Variants in TUSC3 observed in about 807,000 individuals in gnomAD.
TUSC3 encodes the protein tumor suppressor candidate 3.
TUSC3 carries 45 observed loss-of-function variants against 44.8 expected under a neutral mutation model. The observed-to-expected ratio is 1.00, with a 90% CI of 0.79 to 1.29. TUSC3 has a LOEUF of 1.29. Among genes scored for constraint, TUSC3 ranks in the 50% most tolerant of loss-of-function variants. The pLI is 0.00. For missense variants in TUSC3, 519 were observed against 437.9 expected (o/e 1.19, Z -1.65); for synonymous variants, 212 against 152.9 (o/e 1.39, Z -2.85).
chr8:15,715,351 CTG>C (rs1269351433), intron 6 of TUSC3, among the ~76,000 whole-genome samples: 1 of 152,098 alleles, frequency 6.6e-6, no homozygotes. Context: ...GGTCTGTGGT[CTG>C]TCTCTCCTTT....
At chr8:15,445,047 G>C (rs895714882) in intron 1 of TUSC3, among the ~76,000 whole-genome samples, 1 of 152,174 alleles carries the variant, frequency 6.6e-6, no homozygotes. Context: ...AAAAAAAGCA[G>C]ATTAATGGAG....
chr8:15,529,380 A>G (rs935518031), intron 2 of TUSC3, among the ~76,000 whole-genome samples: 1 of 152,224 alleles, frequency 6.6e-6, no homozygotes, highest in African/African-American at 2.4e-5. Context: ...AGTTTTTAAT[A>G]TGGAAAATGG....
At position 15,450,160 on chromosome 8, in the gene TUSC3, A is replaced by G. The variant is rs377451997; in HGVS notation, n.91+32855A>G. 5.3e-4 allele frequency among the ~76,000 whole-genome samples: 80 copies of G among 152,262 alleles called. 2 individuals carry two copies. In the South Asian group the frequency reaches 0.015, roughly 29 times the overall value. On this transcript the variant is annotated intron_variant and non_coding_transcript_variant, in intron 1 of 5. Coordinates refer to the TUSC3 transcript ENST00000503191. ...TAAAAAAAGTGTGAGAGGCTTTACT[A>G]CTAACATTATTTGTTTCTGGATACA...
intron 1 of TUSC3, among the ~76,000 whole-genome samples, chr8:15,421,080 G>C (rs1799732660): frequency 6.6e-6 from 1 of 152,104 alleles, no homozygotes; most frequent in Non-Finnish European, 1.5e-5. Flanking sequence ...ATGTAACATA[G>C]TCATGTCCAA....
At position 15,623,175 on chromosome 8, in the gene TUSC3, G is replaced by T. The variant is rs1156613196; in HGVS notation, c.234G>T (p.Lys78Asn). Residue 78 changes from lysine to asparagine, a missense_variant, in exon 2 of 11, where the codon AAG (lysine) becomes AAT (asparagine). Lys to Asn is a moderately conservative substitution (Grantham distance 94, BLOSUM62 0). Transcript: ENST00000503731. Reference protein sequence around the residue: ...MNGDKFRKFIKAPPRNYSMIV... With the variant: ...MNGDKFRKFINAPPRNYSMIV... ...GTGATAAATTCCGAAAATTTATAAA[G>T]GCACCACCTCGAAACTATTCCATGA... The T allele has an allele frequency of 3.1e-6, 5 of 1,613,550 alleles. No individual in the cohort carries two copies. Among genetic ancestry groups the T allele is most frequent in the Non-Finnish European group, 4.2e-6 (5 of 1,179,820 alleles).
intron 9 of TUSC3, among the ~76,000 whole-genome samples, chr8:15,754,338 TA>T (rs1447864200): frequency 6.6e-6 from 1 of 151,748 alleles, no homozygotes; most frequent in African/African-American, 2.4e-5. Context: ...CAGAAATAAA[TA>T]CATTGAAGTA....
At chr8:15,687,219 T>G (rs543840411) in intron 6 of TUSC3, among the ~76,000 whole-genome samples, 1 of 152,344 alleles carries the variant, frequency 6.6e-6, no homozygotes, top group Non-Finnish European at 1.5e-5. Flanking sequence ...TTAACATATT[T>G]GTTAGGTACT....
Position 15,755,175 on chromosome 8 carries a change from G to A in TUSC3, c.1029-2616G>A, listed in dbSNP as rs575943136. 7.5e-4 allele frequency among the ~76,000 whole-genome samples: 114 copies of A among 152,150 alleles called. 1 individual carries two copies. The highest frequency in any genetic ancestry group is 3.2e-4 in the Non-Finnish European group (22 of 67,970). On this transcript the variant is annotated intron_variant, in intron 9 of 10. Transcript: ENST00000503731. ...CCTGATTGGAATACCCAGCCTGCTC[G>A]TTACTAGCTGTGTGACCTTGGGCAA...
chr8:15,524,830 C>A (rs990290105), intron 2 of TUSC3, among the ~76,000 whole-genome samples: 12 of 152,100 alleles, frequency 7.9e-5, no homozygotes, highest in Non-Finnish European at 1.5e-4. Context: ...AAAGAGATCC[C>A]AGAATACAGT....
chr8:15,603,850 T>A (rs1804406136), intron 1 of TUSC3, among the ~76,000 whole-genome samples: 1 of 151,546 alleles, frequency 6.6e-6, no homozygotes. Context: ...TAAATGAAGA[T>A]GTTTTTCCCC....
the TUSC3 span, among the ~76,000 whole-genome samples, chr8:15,832,589 A>G: frequency 6.6e-6 from 1 of 152,218 alleles, no homozygotes; most frequent in East Asian, 1.9e-4. Context: ...CTGGAGGAAA[A>G]TCTACCAAGC....
At chr8:15,633,371 C>A (rs149511460) in intron 2 of TUSC3, among the ~76,000 whole-genome samples, 1 of 152,198 alleles carries the variant, frequency 6.6e-6, no homozygotes, top group East Asian at 1.9e-4. Flanking sequence ...TTGATCACTT[C>A]GGTGAAAGTT....
At chr8:15,836,494 T>G in the TUSC3 span, among the ~76,000 whole-genome samples, 4 of 147,910 alleles carry the variant, frequency 2.7e-5, no homozygotes, top group Admixed American at 1.4e-4. Flanking sequence ...AAAAAAAAAT[T>G]AATATAAGAT....
chr8:15,644,116 T>A (rs1329322643), intron 2 of TUSC3, among the ~76,000 whole-genome samples: 1 of 152,198 alleles, frequency 6.6e-6, no homozygotes, highest in East Asian at 1.9e-4. Context: ...TTCTTTTTAG[T>A]TTTACATAAC....
intron 6 of TUSC3, among the ~76,000 whole-genome samples, chr8:15,685,858 G>GTT (rs34405336): frequency 1.6e-3 from 226 of 145,134 alleles, no homozygotes; most frequent in South Asian, 2.4e-3. Context: ...TAGTTCTTAG[G>GTT]TTTTTTTTTT....
At chr8:15,842,175 C>A in the TUSC3 span, among the ~76,000 whole-genome samples, 2 of 152,222 alleles carry the variant, frequency 1.3e-5, no homozygotes, top group Admixed American at 6.5e-5. Flanking sequence ...ATGAACAAAA[C>A]AGATAGAATC....
intron 6 of TUSC3, among the ~76,000 whole-genome samples, chr8:15,682,105 G>C (rs1399719979): frequency 6.6e-5 from 10 of 152,146 alleles, no homozygotes; most frequent in Non-Finnish European, 1.5e-4. Context: ...CTTCGAGTAT[G>C]TTTCATGTTC....
chr8:15,732,807 A>G (rs937969651), intron 7 of TUSC3, among the ~76,000 whole-genome samples: 2 of 152,216 alleles, frequency 1.3e-5, no homozygotes, highest in African/African-American at 4.8e-5. Context: ...TCTGAAACTC[A>G]TTGAACACCA....
chr8:15,600,120 T>C lies in TUSC3; in HGVS notation c.139-22960T>C, dbSNP rs76022004. 4.7e-3 allele frequency among the ~76,000 whole-genome samples: 710 copies of C among 151,878 alleles called. 4 individuals are homozygous for C. The highest frequency in any genetic ancestry group is 0.016 in the African/African-American group (678 of 41,524). ...TTGAAAACAAGTGGTAGAGGGGACATGGACAATGCTTTTTAAAACAAAACA... is the reference window on the plus strand; with the variant it reads ...TTGAAAACAAGTGGTAGAGGGGACACGGACAATGCTTTTTAAAACAAAACA... On this transcript the variant is annotated intron_variant, in intron 1 of 10. Coordinates refer to ENST00000503731, the MANE Select transcript of TUSC3 (RefSeq NM_006765.4).
Sources: allele counts gnomAD v4.1 joint callset (sites outside exome capture counted in the v4.1 genomes callset), GRCh38; gene constraint gnomAD v4.1.1; transcripts MANE v1.5; gene names NCBI Gene and HGNC (gene_info 2026-07-23, HGNC 2026-07-21).